The following RNF150 variants were observed in gnomAD, a reference collection of about 807,000 sequenced individuals.
RNF150 encodes ring finger protein 150.
Under a neutral mutation model 39.3 loss-of-function variants are expected in RNF150, and 24 were observed. That is an observed-to-expected ratio of 0.61 (90% confidence interval 0.44 to 0.86). The LOEUF is 0.86. Among genes scored for constraint, RNF150 ranks in the 40% least tolerant of loss-of-function variants. The probability of loss-of-function intolerance (pLI) is 0.00; values close to 1 mark genes in which losing one functional copy is unlikely to be tolerated. For missense variants in RNF150, 502 were observed against 587.8 expected, an observed-to-expected ratio of 0.85 and a Z score of 1.51; for synonymous variants, 255 against 227.3, an observed-to-expected ratio of 1.12 and a Z score of -1.10.
At chr4:140,997,507 C>T (rs1734418783) in intron 1 of RNF150, among the ~76,000 whole-genome samples, 1 of 151,956 alleles carries the variant, frequency 6.6e-6, no homozygotes. Flanking sequence ...CTGTGTCATT[C>T]ATCCCAAAGA....
intron 1 of RNF150, among the ~76,000 whole-genome samples, chr4:141,053,220 T>A (rs1198363765): frequency 6.6e-6 from 1 of 152,168 alleles, no homozygotes; most frequent in South Asian, 2.1e-4. Context: ...TATTTCCTGA[T>A]ACATACTCGA....
chr4:141,078,651 G>A lies in RNF150; in HGVS notation c.484+53674C>T, dbSNP rs571929790. Among the ~76,000 whole-genome samples, 119 of 150,938 alleles carry A rather than the reference G, an allele frequency of 7.9e-4. 1 individual carries two copies. The highest frequency in any genetic ancestry group is 2.6e-3 in the African/African-American group (109 of 41,154). ...AAACAAAAAAAAAAATTAGCCGGGCGCGGTGGCAGGCACCTGTAGTCCCAG... is the reference window on the plus strand; with the variant it reads ...AAACAAAAAAAAAAATTAGCCGGGCACGGTGGCAGGCACCTGTAGTCCCAG... On this transcript the variant is annotated intron_variant, in intron 1 of 6. Coordinates refer to ENST00000515673, the MANE Select transcript of RNF150 (RefSeq NM_020724.2).
intron 1 of RNF150, among the ~76,000 whole-genome samples, chr4:141,142,429 A>G (rs1578764170): frequency 6.6e-6 from 1 of 152,224 alleles, no homozygotes; most frequent in African/African-American, 2.4e-5. Flanking sequence ...CTGTCGGCAC[A>G]CAGACAGGCT....
At chr4:140,904,424 A>G (rs1407588202) in intron 6 of RNF150, among the ~76,000 whole-genome samples, 2 of 152,216 alleles carry the variant, frequency 1.3e-5, no homozygotes, top group African/African-American at 4.8e-5. Flanking sequence ...TGAATCTTAT[A>G]GGCACCAAGG....
chr4:141,090,267 G>A (rs1433770810), intron 1 of RNF150, among the ~76,000 whole-genome samples: 1 of 152,178 alleles, frequency 6.6e-6, no homozygotes, highest in Non-Finnish European at 1.5e-5. Flanking sequence ...TCATTTTCAT[G>A]AGAGGGAAGC....
At chr4:141,117,455 G>T (rs1458022343) in intron 1 of RNF150, among the ~76,000 whole-genome samples, 1 of 152,034 alleles carries the variant, frequency 6.6e-6, no homozygotes, top group Non-Finnish European at 1.5e-5. Flanking sequence ...CAGGTGTGTA[G>T]CCTAAAAGAA....
At chr4:140,874,846 G>A (rs1050554940) in intron 6 of RNF150, among the ~76,000 whole-genome samples, 9 of 152,112 alleles carry the variant, frequency 5.9e-5, no homozygotes, top group Non-Finnish European at 1.3e-4. Flanking sequence ...TTTTTTTAAA[G>A]TAGAAACAAG....
At chr4:140,935,001 AT>A (rs1731782866) in intron 4 of RNF150, among the ~76,000 whole-genome samples, 1 of 117,164 alleles carries the variant, frequency 8.5e-6, no homozygotes, top group Non-Finnish European at 1.7e-5. Flanking sequence ...ATATATATAT[AT>A]ATATAAATAT....
At chr4:141,206,083 C>T (rs1728370297) in intron 1 of RNF150, among the ~76,000 whole-genome samples, 1 of 152,130 alleles carries the variant, frequency 6.6e-6, no homozygotes, top group South Asian at 2.1e-4. Flanking sequence ...GCTCTCTTTG[C>T]ACTGGCAGTT....
At chr4:141,120,921 G>T (rs1021952970) in intron 1 of RNF150, among the ~76,000 whole-genome samples, 2 of 152,164 alleles carry the variant, frequency 1.3e-5, no homozygotes, top group Admixed American at 6.5e-5. Context: ...ATGGCAGGGG[G>T]CAGGAAGGGA....
chr4:140,963,421 G>A (rs975057842), intron 2 of RNF150, among the ~76,000 whole-genome samples: 1 of 151,994 alleles, frequency 6.6e-6, no homozygotes. Flanking sequence ...CTGCCATATG[G>A]TGGCCACATG....
At chr4:140,966,331 G>A (rs747229743) in intron 2 of RNF150, among the ~76,000 whole-genome samples, 16 of 151,966 alleles carry the variant, frequency 1.1e-4, no homozygotes, top group Admixed American at 2.0e-4. Flanking sequence ...CACAGTGAGC[G>A]AGACTCCATC....
chr4:141,053,591 G>C, intron 1 of RNF150: 1 of 672,418 alleles, frequency 1.5e-6, no homozygotes, highest in Non-Finnish European at 2.2e-6. Context: ...AAAGAAAATT[G>C]ATTAGAAAGT....
chr4:141,103,601 C>T (rs547733617), intron 1 of RNF150, among the ~76,000 whole-genome samples: 2 of 152,242 alleles, frequency 1.3e-5, no homozygotes, highest in African/African-American at 4.8e-5. Context: ...CTCGCACACA[C>T]GCATGTCAGC....
intron 1 of RNF150, among the ~76,000 whole-genome samples, chr4:141,172,941 G>A (rs140363900): frequency 3.3e-4 from 50 of 152,112 alleles, no homozygotes; most frequent in Middle Eastern, 3.4e-3. Flanking sequence ...CAGGAGAATC[G>A]CTTGAACCCG....
At chr4:141,135,623 G>A (rs1042172831), upstream of RNF150, among the ~76,000 whole-genome samples, 1 of 152,158 alleles carries the variant, frequency 6.6e-6, no homozygotes, top group African/African-American at 2.4e-5. Context: ...TCTTCCTTAT[G>A]GTAGAAATAC....
At chr4:141,194,025 G>A (rs1349324906) in intron 1 of RNF150, among the ~76,000 whole-genome samples, 1 of 152,194 alleles carries the variant, frequency 6.6e-6, no homozygotes, top group Non-Finnish European at 1.5e-5. Context: ...TATGCACATG[G>A]TTTTATAAAA....
intron 1 of RNF150, among the ~76,000 whole-genome samples, chr4:141,084,094 T>C (rs1738258241): frequency 6.6e-6 from 1 of 152,234 alleles, no homozygotes; most frequent in East Asian, 1.9e-4. Context: ...ATTTCATTCC[T>C]AGGCACAAAC....
chr4:141,070,802 A>G (rs1737664863), intron 1 of RNF150, among the ~76,000 whole-genome samples: 2 of 149,602 alleles, frequency 1.3e-5, no homozygotes, highest in South Asian at 2.1e-4. Context: ...AACTAGTTCA[A>G]CCATTGTGGA....
Sources: allele counts gnomAD v4.1 joint callset (sites outside exome capture counted in the v4.1 genomes callset), GRCh38; gene constraint gnomAD v4.1.1; transcripts MANE v1.5; gene names NCBI Gene and HGNC (gene_info 2026-07-23, HGNC 2026-07-21).